Variants in PCDHGA8 observed in about 807,000 individuals in gnomAD.
The protein encoded by PCDHGA8 is protocadherin gamma-A8.
A neutral mutation model predicts 59.2 loss-of-function variants in PCDHGA8; 45 were observed. The observed-to-expected ratio is 0.76, with a 90% CI of 0.60 to 0.98. The LOEUF (loss-of-function observed/expected upper bound fraction) is 0.98. Ranked by LOEUF, PCDHGA8 falls within the 50% of genes least tolerant of loss-of-function variation. The pLI is 0.00. For missense variants in PCDHGA8, 1,257 were observed against 1,196.2 expected (o/e 1.05, Z -0.75); for synonymous variants, 531 against 519.0 (o/e 1.02, Z -0.32).
chr5:141,472,159 A>G (rs1020175900), intron 1 of PCDHGA8, among the ~76,000 whole-genome samples: 1 of 152,246 alleles, frequency 6.6e-6, no homozygotes, highest in Non-Finnish European at 1.5e-5. Context: ...TTACATAGCT[A>G]CTAGGTGTAA....
At chr5:141,457,568 T>A (rs1397626206) in intron 1 of PCDHGA8, among the ~76,000 whole-genome samples, 1 of 152,190 alleles carries the variant, frequency 6.6e-6, no homozygotes, top group African/African-American at 2.4e-5. Context: ...TGGAGCAAAA[T>A]TTTTCTCTCC....
At chr5:141,404,580 G>C (rs769739876) in intron 1 of PCDHGA8, 2 of 1,613,866 alleles carry the variant, frequency 1.2e-6, no homozygotes, top group Non-Finnish European at 1.7e-6. Context: ...CCACCACTTA[G>C]CAGCAATGTG....
intron 1 of PCDHGA8, among the ~76,000 whole-genome samples, chr5:141,484,207 A>G (rs898823095): frequency 2.6e-5 from 4 of 152,218 alleles, no homozygotes; most frequent in Non-Finnish European, 5.9e-5. Context: ...ATCTATGAAC[A>G]TTAGCATTCT....
At chr5:141,426,767 A>G (rs1219028777) in intron 1 of PCDHGA8, 1 of 456,548 alleles carries the variant, frequency 2.2e-6, no homozygotes, top group Admixed American at 2.3e-5. Flanking sequence ...ATGCAGATGT[A>G]GGGCCTCACT....
In PCDHGA8 at chr5:141,489,184, G is replaced by T; in HGVS notation, c.2425-5623G>T. ...TCAGCTGCTGCATTCCAAGCCCTGG[G>T]TCTACCTTGGAGACAGGACAGCACA... On this transcript the variant is annotated intron_variant, in intron 1 of 3. Transcript: ENST00000398604. This position sits in a 1 kb window ranked among gnomAD's most constrained non-coding sequence, Gnocchi z 4.5. 7.8e-7 allele frequency: 1 copy of T among 1,287,330 alleles called. No homozygotes were observed. Among genetic ancestry groups the T allele is most frequent in the Non-Finnish European group, 1.1e-6 (1 of 928,816 alleles). 79.7% of individuals were successfully genotyped at this position (1,287,330 alleles called of 1,614,324 possible).
chr5:141,407,807 T>C (rs916388568), intron 1 of PCDHGA8, among the ~76,000 whole-genome samples: 1 of 152,202 alleles, frequency 6.6e-6, no homozygotes, highest in African/African-American at 2.4e-5. Flanking sequence ...CATAGAAATA[T>C]CTACTATAAT....
intron 1 of PCDHGA8, chr5:141,442,416 T>A (rs2098323395): frequency 6.6e-6 from 1 of 152,206 alleles, no homozygotes; most frequent in Non-Finnish European, 1.5e-5. Flanking sequence ...CTGAGTGAAC[T>A]TCTTTTTTGA....
rs760747309 is a variant in PCDHGA8, at chr5:141,477,613, A to G, written c.2425-17194A>G. 1.2e-6 allele frequency: 2 copies of G among 1,614,210 alleles called. No individual in the cohort carries two copies. Among genetic ancestry groups the G allele is most frequent in the Non-Finnish European group, 8.5e-7 (1 of 1,180,044 alleles). ...GGCTTTCTTTCTTTCTCTTGGAGCA[A>G]GGAGCTGAAACCGGGCTAGTGGGTC... On this transcript the variant is annotated intron_variant, in intron 1 of 3. Coordinates refer to ENST00000398604, the MANE Select transcript of PCDHGA8 (RefSeq NM_032088.2). This position sits in a 1 kb window ranked among gnomAD's most constrained non-coding sequence, Gnocchi z 4.9.
intron 3 of PCDHGA8, among the ~76,000 whole-genome samples, chr5:141,510,504 G>A (rs371169260): frequency 1.3e-5 from 2 of 152,154 alleles, no homozygotes; most frequent in African/African-American, 4.8e-5. Flanking sequence ...AAGGAACTGA[G>A]AGCCCGTGTC....
intron 1 of PCDHGA8, chr5:141,412,149 C>G (rs1369304212): frequency 2.0e-5 from 3 of 152,146 alleles, no homozygotes; most frequent in African/African-American, 7.2e-5. Flanking sequence ...TACAAACTGC[C>G]TAAGAGAAGA....
intron 1 of PCDHGA8, chr5:141,478,342 G>T (rs1489278202): frequency 6.2e-7 from 1 of 1,613,862 alleles, no homozygotes; most frequent in Non-Finnish European, 8.5e-7. Flanking sequence ...GGCCCTCCTT[G>T]CACGCGGACG....
chr5:141,413,137 T>C, intron 1 of PCDHGA8: 1 of 1,550,612 alleles, frequency 6.4e-7, no homozygotes, highest in Non-Finnish European at 8.7e-7. Flanking sequence ...ACACAACGTG[T>C]CCAGTGAGGA....
At chr5:141,473,738 C>T (rs755682627) in intron 1 of PCDHGA8, among the ~76,000 whole-genome samples, 2 of 152,310 alleles carry the variant, frequency 1.3e-5, no homozygotes, top group Non-Finnish European at 2.9e-5. Flanking sequence ...AGGGAGAAGA[C>T]ATGAGAACTT....
At chr5:141,501,319 A>G (rs2099807834) in intron 2 of PCDHGA8, among the ~76,000 whole-genome samples, 1 of 151,710 alleles carries the variant, frequency 6.6e-6, no homozygotes, top group Non-Finnish European at 1.5e-5. Context: ...ACACACACAC[A>G]CACACACACA....
Position 141,486,639 on chromosome 5 carries a change from T to G in PCDHGA8, c.2425-8168T>G, listed in dbSNP as rs1250700423. ...GACCCAGACTCTGGCTTGAATGCGC[T>G]TATCTCCTACTCACTCCTGGAGCCC... On this transcript the variant is annotated intron_variant, in intron 1 of 3. Transcript: ENST00000398604. The surrounding 1 kb of genome is among the most constrained non-coding windows in gnomAD (Gnocchi z 5.0). The G allele has an allele frequency of 6.2e-7, 1 of 1,613,818 alleles. No individual in the cohort carries two copies. The highest frequency in any genetic ancestry group is 1.1e-5 in the South Asian group (1 of 91,084).
intron 1 of PCDHGA8, among the ~76,000 whole-genome samples, chr5:141,436,175 A>G (rs1263518258): frequency 1.3e-5 from 2 of 152,192 alleles, no homozygotes; most frequent in Non-Finnish European, 2.9e-5. Flanking sequence ...CAGTTCTCAT[A>G]TATAGTCAAA....
intron 1 of PCDHGA8, chr5:141,400,754 C>G: frequency 1.7e-6 from 1 of 589,004 alleles, no homozygotes. Context: ...TTAGCTTCCT[C>G]TCTAGCAAAA....
At chr5:141,447,647 T>C (rs1338920727) in intron 1 of PCDHGA8, among the ~76,000 whole-genome samples, 1 of 152,092 alleles carries the variant, frequency 6.6e-6, no homozygotes, top group African/African-American at 2.4e-5. Flanking sequence ...GATGGTAGAA[T>C]TTTCCCCCCC....
At chr5:141,421,305 G>A in intron 1 of PCDHGA8, 23 of 1,613,652 alleles carry the variant, frequency 1.4e-5, no homozygotes, top group Non-Finnish European at 1.9e-5. Context: ...CGCTGCGGGG[G>A]TTCCGGGCCA....
Sources: gnomAD v4.1 joint callset for allele counts (sites outside exome capture counted in the v4.1 genomes callset) on GRCh38, gnomAD v4.1.1 for gene constraint, Gnocchi (gnomAD v3.1) non-coding constraint, MANE v1.5 for transcripts, NCBI Gene and HGNC (gene_info 2026-07-23, HGNC 2026-07-21) for gene names.